TEP1: variants seen among roughly 807,000 people sequenced by gnomAD.
The protein encoded by TEP1 is telomerase protein component 1.
A neutral mutation model predicts 306.3 loss-of-function variants in TEP1; 241 were observed. The ratio of observed to expected loss-of-function variants is 0.79; its 90% confidence interval spans 0.71 to 0.88. The LOEUF (loss-of-function observed/expected upper bound fraction) is 0.88. Ranked by LOEUF, TEP1 falls within the 40% of genes least tolerant of loss-of-function variation. TEP1 has a pLI of 0.00. For missense variants in TEP1, 3,051 were observed against 3,276.1 expected (o/e 0.93, Z 1.68); for synonymous variants, 1,289 against 1,305.5 (o/e 0.99, Z 0.27).
At position 20,378,119 on chromosome 14, in the gene TEP1, G is replaced by A. The variant is rs751753967; in HGVS notation, c.5626C>T (p.Arg1876Trp). The change falls in exon 39 of 55, where the codon CGG (arginine) becomes TGG (tryptophan). Residue 1876 changes from arginine (R) to tryptophan (W), a missense_variant. Transcript: ENST00000262715. ...TGGTGGGCAGGGAAGGCAGCCAGCC[G>A]TGCCCCTTCTCGCCAGGCCCACAGC... ...VELWAWREGA[R>W]LAAFPAHHGF... 3.5e-5 allele frequency: 57 copies of A among 1,613,754 alleles called. No individual in the cohort carries two copies. Among genetic ancestry groups the A allele is most frequent in the East Asian group, 8.9e-5 (4 of 44,892 alleles).
At position 20,381,454 on chromosome 14, in the gene TEP1, G is replaced by A; in HGVS notation, c.4559-53C>T. On this transcript the variant is annotated intron_variant, in intron 31 of 54. Coordinates refer to ENST00000262715, the MANE Select transcript of TEP1 (RefSeq NM_007110.5). This position sits in a 1 kb window ranked among gnomAD's most constrained non-coding sequence, Gnocchi z 4.0. Reference sequence around the variant, plus strand: ...CAGCCCTGCATCATTCCCAAGGGCAGTAGGTGAGCTGGCCAGCAGATGGGA... The same window carrying A: ...CAGCCCTGCATCATTCCCAAGGGCAATAGGTGAGCTGGCCAGCAGATGGGA... 6.2e-7 allele frequency: 1 copy of A among 1,612,892 alleles called. No individual in the cohort carries two copies. The highest frequency in any genetic ancestry group is 2.2e-5 in the East Asian group (1 of 44,878).
Position 20,381,576 on chromosome 14 carries a change from T to G in TEP1, c.4535A>C (p.Asp1512Ala). ...ACCTGCAATGAGGATGTGTGCCGTG[T>G]CCTCTAGCCCTGGCCTCTTCCCATA... is the stretch of plus-strand genomic sequence containing the variant. ...RCYGKRPGLE[D>A]TAHILIAAQL... The change falls in exon 31 of 55, where the codon GAC (aspartate) becomes GCC (alanine). Residue 1512 changes from aspartate to alanine, a missense_variant. Coordinates refer to ENST00000262715, the MANE Select transcript of TEP1 (RefSeq NM_007110.5). The surrounding 1 kb of genome is among the most constrained non-coding windows in gnomAD (Gnocchi z 4.0). 5 of 1,613,826 alleles carry G rather than the reference T, an allele frequency of 3.1e-6. No homozygotes were observed. The highest frequency in any genetic ancestry group is 4.2e-6 in the Non-Finnish European group (5 of 1,180,010).
rs1320629063 is a variant in TEP1 at position 20,378,640 on chromosome 14, G to C, written c.5353-105C>G. 1.9e-6 allele frequency: 3 copies of C among 1,584,318 alleles called. No homozygotes were observed. The Admixed American group carries it at 5.0e-5, about 27-fold the overall frequency. ...TGTCCAGTTACCCTGCCCTCAGCAG[G>C]GAAGGCCTTCTCTGGCCAGGGAGTC... On this transcript the variant is annotated intron_variant, in intron 37 of 54. Coordinates refer to ENST00000262715, the MANE Select transcript of TEP1 (RefSeq NM_007110.5).
Position 20,381,637 on chromosome 14 carries a change from G to A in TEP1, c.4474C>T (p.Pro1492Ser), listed in dbSNP as rs757361801. The change falls in exon 31 of 55, where the codon CCT becomes TCT. Residue 1492 changes from proline (P) to serine (S), a missense_variant. Physicochemically the swap from Pro to Ser is moderately conservative, Grantham distance 74. Transcript: ENST00000262715. This position sits in a 1 kb window ranked among gnomAD's most constrained non-coding sequence, Gnocchi z 4.0. ...GCTGCTGTTCTCAGGGGCCCATCAG[G>A]GAGGCACAGCCGGGCACCAGGGCGC... ...LERPGARLCL[P>S]DGPLRTAAKR... The A allele has an allele frequency of 3.7e-6, 6 of 1,613,852 alleles. No homozygotes were observed. The highest frequency in any genetic ancestry group is 1.7e-6 in the Non-Finnish European group (2 of 1,179,922).
At chr14:20,378,261 A>G (rs1296813650) in intron 38 of TEP1, 25 bp from the exon 39 acceptor site, 1 of 1,613,436 alleles carries the variant, frequency 6.2e-7, no homozygotes, top group South Asian at 1.1e-5. Context: ...AGAAATGGAA[A>G]CGTGAAGACC....
rs779214026 is a variant in TEP1, at chr14:20,373,587, A to G, written c.6605-4T>C. ...AGCTCTGACCCAGGCTGTCCAGCTG[A>G]TAAGACACAGAGACTGAGTCAGAAG... On this transcript the variant is annotated splice_polypyrimidine_tract_variant and splice_region_variant and intron_variant, in intron 45 of 54. Coordinates refer to ENST00000262715, the MANE Select transcript of TEP1 (RefSeq NM_007110.5). The G allele has an allele frequency of 1.2e-6, 2 of 1,614,244 alleles. No homozygotes were observed. The highest frequency in any genetic ancestry group is 1.1e-5 in the South Asian group (1 of 91,090).
intron 7 of TEP1, among the ~76,000 whole-genome samples, chr14:20,402,302 C>T (rs1038608485): frequency 5.9e-5 from 9 of 151,998 alleles, no homozygotes; most frequent in African/African-American, 1.9e-4. Context: ...AGCAAGACTT[C>T]GTCTCAAAAA....
rs1884579901 is a variant in TEP1, at chr14:20,368,055, G to A, written c.*382C>T. On this transcript the variant is annotated 3_prime_UTR_variant, in exon 55 of 55. Transcript: ENST00000262715. ...CTTCCATGCTCTGTTCAAATTGAAT[G>A]TTGGCCAACATCACTCTCATTCCTC... 1 of 172,460 alleles carries A rather than the reference G, an allele frequency of 5.8e-6. No homozygotes were observed. The highest frequency in any genetic ancestry group is 5.5e-5 in the Admixed American group (1 of 18,108). 10.7% of individuals were successfully genotyped at this position (172,460 alleles called of 1,614,324 possible).
At chr14:20,398,318 A>C (rs10220660) in intron 9 of TEP1, among the ~76,000 whole-genome samples, 34,438 of 150,014 alleles carry the variant, frequency 0.23, 5,134 homozygotes, top group African/African-American at 0.41. Context: ...GCGGAGGTTG[A>C]AGTGAGCCGA....
rs752819904 is a variant in TEP1, at chr14:20,389,742, T to C, written c.2335-2A>G. 7.4e-6 allele frequency: 12 copies of C among 1,613,930 alleles called. 1 individual carries two copies. In the South Asian group the frequency reaches 1.2e-4, roughly 16 times the overall value. ...GCCAAGGAGGATGACCCTGTCCACC[T>C]GTAAGATGAAAAGGGAGAAGATGCT... On this transcript the variant is annotated splice_acceptor_variant, in intron 15 of 54. Transcript: ENST00000262715. LOFTEE classifies it high-confidence loss of function.
rs1241671792 is a variant in TEP1 at position 20,369,521 on chromosome 14, G to C, written c.7479C>G (p.Cys2493Trp). 1.2e-6 allele frequency: 2 copies of C among 1,613,992 alleles called. No homozygotes were observed. Among genetic ancestry groups the C allele is most frequent in the Non-Finnish European group, 1.7e-6 (2 of 1,180,024 alleles). The change falls in exon 53 of 55, where the codon TGC (cysteine) becomes TGG (tryptophan). Residue 2493 changes from cysteine to tryptophan, a missense_variant. Coordinates refer to ENST00000262715, the MANE Select transcript of TEP1 (RefSeq NM_007110.5). ...SDGILWNLAKCSPEGEWTTGN... is the reference protein window; with the variant it reads ...SDGILWNLAKWSPEGEWTTGN... Reference sequence around the variant, plus strand: ...CTGTGGTCCATTCTCCTTCTGGGCTGCATTTGGCCAGGTTCCATAGGATCC... The same window carrying C: ...CTGTGGTCCATTCTCCTTCTGGGCTCCATTTGGCCAGGTTCCATAGGATCC...
At position 20,403,362 on chromosome 14, in the gene TEP1, G is replaced by A; in HGVS notation, c.1266+15C>T. On this transcript the variant is annotated intron_variant, in intron 7 of 54. Transcript: ENST00000262715. ...TTGTACATGCACATATACAACCCCA[G>A]AAGAAGGGACTCACCTTTCTCTGCT... 6.2e-7 allele frequency: 1 copy of A among 1,613,856 alleles called. No homozygotes were observed. Among genetic ancestry groups the A allele is most frequent in the Non-Finnish European group, 8.5e-7 (1 of 1,179,938 alleles).
At chr14:20,396,136 AAAG>A (rs764290873) in intron 10 of TEP1, among the ~76,000 whole-genome samples, 187 bp from the exon 11 acceptor site, 2 of 152,184 alleles carry the variant, frequency 1.3e-5, no homozygotes, top group Non-Finnish European at 2.9e-5. Flanking sequence ...AAAGGTAACA[AAAG>A]AAGAGAAAGT....
In TEP1 at chr14:20,383,508, T is replaced by C. The variant is rs1265414650; in HGVS notation, c.3847A>G (p.Ile1283Val). The change falls in exon 26 of 55, where the codon ATC becomes GTC. Residue 1283 changes from isoleucine (I) to valine (V), a missense_variant. Around this residue, in one of 3 missense-constraint regions of TEP1, gnomAD observed 1,540 missense variants for 1,705.9 expected, o/e 0.90. Coordinates refer to ENST00000262715, the MANE Select transcript of TEP1 (RefSeq NM_007110.5). ...CTCACCCGGGGAAGCTTCTTTGGGA[T>C]CCAGTCTGAAATCAGCTGCCCATTC... is the stretch of plus-strand genomic sequence containing the variant. ...DQNGQLISDW[I>V]PKKLPRCVHL... 7 of 1,614,188 alleles carry C rather than the reference T, an allele frequency of 4.3e-6. No individual in the cohort carries two copies. The highest frequency in any genetic ancestry group is 5.9e-6 in the Non-Finnish European group (7 of 1,180,016).
intron 49 of TEP1, 82 bp downstream of exon 49, chr14:20,372,651 G>T (rs1228547911): frequency 1.9e-6 from 3 of 1,591,240 alleles, no homozygotes; most frequent in African/African-American, 2.7e-5. Context: ...TAGTTCAGAA[G>T]CAGAAGTGCA....
In TEP1 at chr14:20,367,051, A is replaced by G. The variant is rs1273840845; in HGVS notation, c.*1386T>C. 1 of 152,250 alleles carries G rather than the reference A, an allele frequency of 6.6e-6. No individual in the cohort carries two copies. Among genetic ancestry groups the G allele is most frequent in the Non-Finnish European group, 1.5e-5 (1 of 68,044 alleles). 9.4% of individuals were successfully genotyped at this position (152,250 alleles called of 1,614,324 possible). ...CTCAATAGATTCTTCCATATGATTG[A>G]ATTTTAGAAATATAATAAAGTTCTT... On this transcript the variant is annotated 3_prime_UTR_variant, in exon 55 of 55. Transcript: ENST00000262715.
intron 4 of TEP1, 30 bp downstream of exon 4, chr14:20,405,421 A>G (rs758288220): frequency 8.1e-6 from 13 of 1,605,546 alleles, no homozygotes; most frequent in Middle Eastern, 3.6e-4. Flanking sequence ...CCAGCTTCAC[A>G]CCCCCATCCC....
chr14:20,403,700 C>T (rs760223383), intron 6 of TEP1, 23 bp downstream of exon 6: 11 of 1,612,622 alleles, frequency 6.8e-6, no homozygotes, highest in South Asian at 2.2e-5. Flanking sequence ...GGGCGTGGGT[C>T]GAGGGCTGGG....
intron 12 of TEP1, among the ~76,000 whole-genome samples, chr14:20,393,210 C>T (rs1272345536): frequency 2.7e-5 from 4 of 148,922 alleles, no homozygotes; most frequent in Non-Finnish European, 3.0e-5. Flanking sequence ...GAGCAAGACT[C>T]GGTCTCAAAA....
Sources: gnomAD v4.1 joint callset for allele counts (sites outside exome capture counted in the v4.1 genomes callset) on GRCh38, gnomAD v4.1.1 for gene constraint, gnomAD v4.1.1 regional missense constraint, Gnocchi (gnomAD v3.1) non-coding constraint, MANE v1.5 for transcripts, NCBI Gene and HGNC (gene_info 2026-07-23, HGNC 2026-07-21) for gene names.